Variants in CPNE4 observed in about 807,000 individuals in gnomAD.
CPNE4 encodes copine 4.
CPNE4 carries 25 observed loss-of-function variants against 67.9 expected under a neutral mutation model. The ratio of observed to expected loss-of-function variants is 0.37; its 90% CI spans 0.27 to 0.51. The LOEUF (loss-of-function observed/expected upper bound fraction) is 0.51. CPNE4 is among the 20% of genes least tolerant of loss of function. The probability of loss-of-function intolerance (pLI) is 0.93; values close to 1 mark genes in which losing one functional copy is unlikely to be tolerated. For missense variants in CPNE4, 464 were observed against 690.8 expected (o/e 0.67, Z 3.68); for synonymous variants, 242 against 244.9 (o/e 0.99, Z 0.11).
At chr3:131,798,512 T>C (rs769635935) in intron 2 of CPNE4, among the ~76,000 whole-genome samples, 13 of 152,194 alleles carry the variant, frequency 8.5e-5, no homozygotes, top group Admixed American at 3.3e-4. Flanking sequence ...GGTCTAAGTC[T>C]GATGTTAAAT....
intron 1 of CPNE4, among the ~76,000 whole-genome samples, chr3:131,945,616 C>G (rs2071530280): frequency 2.6e-5 from 4 of 152,166 alleles, no homozygotes; most frequent in Admixed American, 1.3e-4. Flanking sequence ...TCCTTCCTCT[C>G]TCTTTGTACA....
intron 2 of CPNE4, among the ~76,000 whole-genome samples, chr3:131,743,962 C>CAAAAAAAAAAAAAAAAAAAAAAA (rs67791015): frequency 1.7e-5 from 1 of 59,202 alleles, no homozygotes; most frequent in African/African-American, 7.4e-5. Flanking sequence ...GACTCCGTCT[C>CAAAAAAAAAAAAAAAAAAAAAAA]AAAAAAAAAA....
In CPNE4 at chr3:131,990,686, A is replaced by C. The variant is rs1472229581; in HGVS notation, c.-2+43881T>G. Among the ~76,000 whole-genome samples, 2 of 136,480 alleles carry C rather than the reference A, an allele frequency of 1.5e-5. 1 individual carries two copies. The highest frequency in any genetic ancestry group is 3.3e-5 in the Non-Finnish European group (2 of 60,112). 89.5% of individuals were successfully genotyped at this position (136,480 alleles called of 152,430 possible). On this transcript the variant is annotated intron_variant, in intron 1 of 15. Transcript: ENST00000429747. ...CTGTATACTTCAAAAATTTATTGGA[A>C]TAATCGTTGGTGTCCCTTTCTTTTT...
chr3:131,942,236 C>T (rs564174947), intron 1 of CPNE4, among the ~76,000 whole-genome samples: 22 of 152,154 alleles, frequency 1.4e-4, no homozygotes, highest in African/African-American at 4.8e-4. Context: ...ATTGCTTTCT[C>T]TCTCTTTAAA....
intron 1 of CPNE4, among the ~76,000 whole-genome samples, chr3:132,020,208 C>T (rs2073965057): frequency 6.6e-6 from 1 of 152,190 alleles, no homozygotes; most frequent in Non-Finnish European, 1.5e-5. Context: ...TTTCAGCCAT[C>T]CCATCCTGCC....
intron 7 of CPNE4, among the ~76,000 whole-genome samples, chr3:131,611,455 A>T (rs1410158239): frequency 6.6e-6 from 1 of 152,150 alleles, no homozygotes; most frequent in Admixed American, 6.5e-5. Context: ...TTGACTTGTG[A>T]TGTTTCAGCA....
chr3:131,906,698 T>A (rs1471040214), intron 1 of CPNE4, among the ~76,000 whole-genome samples: 4 of 151,958 alleles, frequency 2.6e-5, no homozygotes, highest in Non-Finnish European at 2.9e-5. Flanking sequence ...TCGTGAATAG[T>A]GCCGCAATAA....
chr3:131,711,060 C>T (rs73220419), intron 3 of CPNE4, among the ~76,000 whole-genome samples: 4,777 of 152,076 alleles, frequency 0.031, 111 homozygotes, highest in East Asian at 0.1. Context: ...ATCAAGTGGT[C>T]GTAAAATATA....
In CPNE4 at chr3:131,811,030, A is replaced by G. The variant is rs533297829; in HGVS notation, c.181-87405T>C. On this transcript the variant is annotated intron_variant, in intron 2 of 15. Coordinates refer to ENST00000429747, the MANE Select transcript of CPNE4 (RefSeq NM_130808.3). ...ATGGTGGTTACCAGGAAAGGAGAAAATGGAAAAGTGATGATTAGAGGGTAC... is the reference window on the plus strand; with the variant it reads ...ATGGTGGTTACCAGGAAAGGAGAAAGTGGAAAAGTGATGATTAGAGGGTAC... Among the ~76,000 whole-genome samples the G allele has an allele frequency of 2.0e-5, 3 of 152,198 alleles. No individual in the cohort carries two copies. The South Asian group carries it at 6.2e-4, about 32-fold the overall frequency.
intron 9 of CPNE4, among the ~76,000 whole-genome samples, chr3:131,576,056 G>A (rs558280904): frequency 6.6e-6 from 1 of 152,226 alleles, no homozygotes; most frequent in African/African-American, 2.4e-5. Flanking sequence ...AACACATACA[G>A]TACTTACAGT....
At chr3:131,772,917 C>T (rs2083203998) in intron 2 of CPNE4, among the ~76,000 whole-genome samples, 3 of 152,074 alleles carry the variant, frequency 2.0e-5, no homozygotes. Flanking sequence ...CCATGGGAGA[C>T]AGTGTTTCTT....
chr3:132,006,040 G>T (rs1455362865), intron 1 of CPNE4, among the ~76,000 whole-genome samples: 1 of 152,102 alleles, frequency 6.6e-6, no homozygotes, highest in Non-Finnish European at 1.5e-5. Flanking sequence ...AGTTCTGTGA[G>T]AATATAACAT....
chr3:131,588,403 A>G (rs1938320863), intron 7 of CPNE4, among the ~76,000 whole-genome samples: 1 of 152,198 alleles, frequency 6.6e-6, no homozygotes, highest in African/African-American at 2.4e-5. Flanking sequence ...CACTTTAGAT[A>G]TCATTGCTAC....
At chr3:131,764,835 C>T (rs1560265832) in intron 2 of CPNE4, among the ~76,000 whole-genome samples, 1 of 152,070 alleles carries the variant, frequency 6.6e-6, no homozygotes. Flanking sequence ...ATCTTCCCAA[C>T]AGGCTTATGA....
chr3:132,032,705 G>T (rs1261032556), intron 1 of CPNE4, among the ~76,000 whole-genome samples: 1 of 148,926 alleles, frequency 6.7e-6, no homozygotes, highest in Non-Finnish European at 1.5e-5. Flanking sequence ...GAGTGACTTT[G>T]TCAGTCTCTC....
intron 3 of CPNE4, among the ~76,000 whole-genome samples, chr3:131,707,124 A>C (rs572097769): frequency 3.3e-5 from 5 of 152,302 alleles, no homozygotes; most frequent in African/African-American, 1.2e-4. Context: ...AAATATATTC[A>C]CTTGCTAGGG....
intron 11 of CPNE4, among the ~76,000 whole-genome samples, chr3:131,561,131 T>C (rs1936738463): frequency 1.3e-5 from 2 of 152,066 alleles, no homozygotes; most frequent in Non-Finnish European, 2.9e-5. Context: ...AAAATGGCAA[T>C]CCATATTTCC....
At chr3:131,872,213 CAG>C (rs1276196453) in intron 2 of CPNE4, among the ~76,000 whole-genome samples, 1 of 151,136 alleles carries the variant, frequency 6.6e-6, no homozygotes, top group Non-Finnish European at 1.5e-5. Context: ...GAGAGAGAAA[CAG>C]AGAGAAAGAA....
At chr3:131,996,042 G>C (rs2073283985) in intron 1 of CPNE4, among the ~76,000 whole-genome samples, 1 of 152,086 alleles carries the variant, frequency 6.6e-6, no homozygotes, top group Non-Finnish European at 1.5e-5. Context: ...ACATTCACTA[G>C]CACAATCCAT....
Sources: gnomAD v4.1 joint callset for allele counts (sites outside exome capture counted in the v4.1 genomes callset) on GRCh38, gnomAD v4.1.1 for gene constraint, MANE v1.5 for transcripts, NCBI Gene and HGNC (gene_info 2026-07-23, HGNC 2026-07-21) for gene names.